Variants in NTM observed in about 807,000 individuals in gnomAD.
The protein encoded by NTM is IgLON family member 2.
A neutral mutation model predicts 42.1 loss-of-function variants in NTM; 13 were observed. The observed-to-expected ratio is 0.31, with a 90% CI of 0.20 to 0.49. NTM has a LOEUF of 0.49. Ranked by LOEUF, NTM falls within the 20% of genes least tolerant of loss-of-function variation. The pLI is 0.99. For synonymous variants in NTM, 187 were observed against 179.2 expected (o/e 1.04, Z -0.35); for missense variants, 373 against 452.8 (o/e 0.82, Z 1.60).
intron 4 of NTM, among the ~76,000 whole-genome samples, chr11:132,268,114 T>G (rs2093301245): frequency 6.6e-6 from 1 of 152,188 alleles, no homozygotes; most frequent in Non-Finnish European, 1.5e-5. Flanking sequence ...AAATTTTTAC[T>G]GAATGCTTAA....
At chr11:132,100,595 A>G (rs1287507387) in intron 2 of NTM, among the ~76,000 whole-genome samples, 1 of 152,204 alleles carries the variant, frequency 6.6e-6, no homozygotes, top group African/African-American at 2.4e-5. Flanking sequence ...GGCCCTGGGC[A>G]TGTGGGCACA....
At chr11:131,706,897 A>T (rs1392133799) in intron 1 of NTM, among the ~76,000 whole-genome samples, 2 of 152,070 alleles carry the variant, frequency 1.3e-5, no homozygotes, top group African/African-American at 4.8e-5. Context: ...ATGAGGTACA[A>T]TGTGATGTTG....
intron 7 of NTM, among the ~76,000 whole-genome samples, chr11:132,322,915 G>A (rs1412354586): frequency 1.4e-5 from 2 of 143,540 alleles, no homozygotes; most frequent in South Asian, 2.2e-4. Context: ...TGAACAACCC[G>A]CTCCTGAATG....
At chr11:132,247,687 G>T (rs1461060878) in intron 4 of NTM, among the ~76,000 whole-genome samples, 2 of 152,064 alleles carry the variant, frequency 1.3e-5, no homozygotes, top group Non-Finnish European at 2.9e-5. Context: ...TGGATTCGGG[G>T]ATAAGAACCC....
At position 131,989,717 on chromosome 11, in the gene NTM, G is replaced by GCACACA. The variant is rs57222149; in HGVS notation, c.167+78090_167+78095dup. On this transcript the variant is annotated intron_variant, in intron 2 of 8. Transcript: ENST00000683400. Reference sequence around the variant, plus strand: ...TATACACATGCATATTTAGATACATGCACACACACACACACACACACACAC... The same window carrying GCACACA: ...TATACACATGCATATTTAGATACATGCACACACACACACACACACACACACACACAC... Among the ~76,000 whole-genome samples the GCACACA allele has an allele frequency of 9.6e-3, 1,430 of 149,420 alleles. 13 individuals are homozygous for GCACACA. The highest frequency in any genetic ancestry group is 0.012 in the African/African-American group (497 of 40,882).
At chr11:131,569,756 T>C (rs1159124656) in intron 1 of NTM, among the ~76,000 whole-genome samples, 1 of 152,102 alleles carries the variant, frequency 6.6e-6, no homozygotes, top group Non-Finnish European at 1.5e-5. Context: ...TTTAAAAAGT[T>C]TTTTTTGTAG....
At chr11:131,561,151 G>A (rs1361419672) in intron 1 of NTM, among the ~76,000 whole-genome samples, 1 of 152,212 alleles carries the variant, frequency 6.6e-6, no homozygotes, top group East Asian at 1.9e-4. Context: ...GGTGGCAGCA[G>A]CATTTGGCGC....
chr11:131,805,152 T>A (rs180869745), intron 1 of NTM, among the ~76,000 whole-genome samples: 1 of 152,304 alleles, frequency 6.6e-6, no homozygotes, highest in East Asian at 1.9e-4. Flanking sequence ...ATCCTCACCA[T>A]CTTCATCACT....
chr11:131,505,431 G>C (rs1020751095), intron 1 of NTM, among the ~76,000 whole-genome samples: 10 of 152,176 alleles, frequency 6.6e-5, no homozygotes, highest in African/African-American at 2.2e-4. Context: ...TACAAATGCT[G>C]AATCTCAGTC....
At chr11:131,979,280 A>G (rs1183891321) in intron 2 of NTM, among the ~76,000 whole-genome samples, 2 of 152,316 alleles carry the variant, frequency 1.3e-5, no homozygotes, top group East Asian at 1.9e-4. Context: ...AAAGAAAAAA[A>G]TCAATCCATC....
chr11:132,061,436 G>A (rs1477265038), intron 2 of NTM, among the ~76,000 whole-genome samples: 1 of 152,220 alleles, frequency 6.6e-6, no homozygotes, highest in East Asian at 1.9e-4. Context: ...GTGAAGAAGG[G>A]TTGTGTTTAA....
chr11:131,923,237 A>G (rs1013131143), intron 2 of NTM, among the ~76,000 whole-genome samples: 1 of 152,184 alleles, frequency 6.6e-6, no homozygotes, highest in Non-Finnish European at 1.5e-5. Context: ...TACTCCCCCT[A>G]AAATGCAAGG....
intron 1 of NTM, among the ~76,000 whole-genome samples, chr11:131,417,906 T>A (rs183439972): frequency 2.8e-4 from 42 of 152,312 alleles, no homozygotes; most frequent in African/African-American, 9.6e-4. Flanking sequence ...TGGAAAACAG[T>A]CCATGGTGGA....
chr11:132,257,707 G>T (rs1169731282), intron 4 of NTM, among the ~76,000 whole-genome samples: 1 of 152,206 alleles, frequency 6.6e-6, no homozygotes, highest in East Asian at 1.9e-4. Flanking sequence ...CCATCTTACA[G>T]ATGAGAAACC....
intron 4 of NTM, among the ~76,000 whole-genome samples, chr11:132,219,836 G>A (rs3133891): frequency 0.4 from 61,177 of 151,962 alleles, 12,569 homozygotes; most frequent in Middle Eastern, 0.55. Context: ...ACTCCCACCC[G>A]TGAGAAAAGA....
At chr11:131,517,515 GCTTA>G (rs777096357) in intron 1 of NTM, among the ~76,000 whole-genome samples, 15 of 152,134 alleles carry the variant, frequency 9.9e-5, no homozygotes, top group Non-Finnish European at 1.9e-4. Context: ...GCTTCTTTCT[GCTTA>G]CTTGTCAAAT....
chr11:131,620,107 T>G (rs918713252), intron 1 of NTM, among the ~76,000 whole-genome samples: 10 of 152,170 alleles, frequency 6.6e-5, no homozygotes, highest in African/African-American at 2.4e-4. Flanking sequence ...TTGGCACCAC[T>G]GAACATCTCA....
intron 2 of NTM, among the ~76,000 whole-genome samples, chr11:132,053,459 CCAAA>C (rs1001468564): frequency 4.6e-5 from 7 of 152,222 alleles, no homozygotes; most frequent in Admixed American, 2.6e-4. Flanking sequence ...CATCTAGTCA[CCAAA>C]CAAACTCATG....
chr11:131,741,494 T>C (rs142981789), intron 1 of NTM, among the ~76,000 whole-genome samples: 51 of 152,348 alleles, frequency 3.3e-4, no homozygotes, highest in African/African-American at 1.2e-3. Context: ...TGCAGTGATA[T>C]GCCTTCTTAT....
Sources: gnomAD v4.1 joint callset for allele counts (sites outside exome capture counted in the v4.1 genomes callset) on GRCh38, gnomAD v4.1.1 for gene constraint, MANE v1.5 for transcripts, NCBI Gene and HGNC (gene_info 2026-07-23, HGNC 2026-07-21) for gene names.